MYO3B: variants seen among roughly 807,000 people sequenced by gnomAD.
MYO3B encodes the protein myosin-IIIb.
MYO3B carries 156 observed loss-of-function variants against 174.6 expected under a neutral mutation model. That is an observed-to-expected ratio of 0.89 (90% CI 0.78 to 1.02). MYO3B has a LOEUF of 1.02. Among genes scored for constraint, MYO3B ranks in the 50% least tolerant of loss-of-function variants. The pLI is 0.00. For synonymous variants in MYO3B, 563 were observed against 569.1 expected (o/e 0.99, Z 0.15); for missense variants, 1,632 against 1,639.4 (o/e 1.00, Z 0.08).
At chr2:170,589,643 A>T (rs773581079) in intron 32 of MYO3B, among the ~76,000 whole-genome samples, 32 of 152,156 alleles carry the variant, frequency 2.1e-4, no homozygotes, top group Non-Finnish European at 3.5e-4. Context: ...CAATGTGTTT[A>T]TGTTTTGAGC....
At chr2:170,216,929 G>T (rs990264233) in intron 5 of MYO3B, among the ~76,000 whole-genome samples, 2 of 151,848 alleles carry the variant, frequency 1.3e-5, no homozygotes, top group Non-Finnish European at 2.9e-5. Flanking sequence ...AGTGATAAAT[G>T]CTCCAGAGTT....
Position 170,392,475 on chromosome 2 carries a change from AT to A in MYO3B, c.1773del (p.Ile592Ter). On this transcript the variant is annotated frameshift_variant, in exon 16 of 35. Coordinates refer to ENST00000408978, the MANE Select transcript of MYO3B (RefSeq NM_138995.5). LOFTEE classifies it high-confidence loss of function. ...QFEAIQHCFR[I>X]IGFTDKEVHS... ...CGAAGCAATTCAGCATTGCTTCAGG[AT>A]TATAGGGTTCACGGACAAAGTAAGT... 6.3e-7 allele frequency: 1 copy of A among 1,576,976 alleles called. No individual in the cohort carries two copies.
chr2:170,616,657 A>G (rs1317391225), intron 32 of MYO3B, among the ~76,000 whole-genome samples: 13 of 152,198 alleles, frequency 8.5e-5, no homozygotes. Context: ...ACACATGAAC[A>G]ATAAACCAAT....
intron 25 of MYO3B, among the ~76,000 whole-genome samples, chr2:170,476,872 A>G (rs1685350293): frequency 1.3e-5 from 2 of 152,078 alleles, no homozygotes; most frequent in African/African-American, 2.4e-5. Context: ...CCTATGGTAT[A>G]TAAGCACTGG....
At chr2:170,534,899 A>G (rs955366718) in intron 30 of MYO3B, among the ~76,000 whole-genome samples, 1 of 152,192 alleles carries the variant, frequency 6.6e-6, no homozygotes, top group Non-Finnish European at 1.5e-5. Flanking sequence ...GCCATAACAC[A>G]TAGTGTTTTT....
chr2:170,528,612 G>A (rs143580960), intron 30 of MYO3B, among the ~76,000 whole-genome samples: 1 of 152,084 alleles, frequency 6.6e-6, no homozygotes, highest in Admixed American at 6.5e-5. Context: ...CACCATGTTG[G>A]CCAGGATGGT....
intron 22 of MYO3B, among the ~76,000 whole-genome samples, chr2:170,421,826 G>T (rs1206777714): frequency 6.6e-6 from 1 of 152,190 alleles, no homozygotes. Context: ...TGAAACTCTT[G>T]TTGCCTTTTT....
intron 28 of MYO3B, among the ~76,000 whole-genome samples, chr2:170,508,275 A>G (rs1197892664): frequency 6.6e-6 from 1 of 152,250 alleles, no homozygotes; most frequent in Admixed American, 6.5e-5. Flanking sequence ...TGCCACCTCA[A>G]CACAGAATGA....
At chr2:170,308,570 C>A (rs898444320) in intron 7 of MYO3B, among the ~76,000 whole-genome samples, 1 of 152,184 alleles carries the variant, frequency 6.6e-6, no homozygotes, top group Non-Finnish European at 1.5e-5. Flanking sequence ...CTGAGGCATA[C>A]TCTGGGTGCA....
intron 18 of MYO3B, among the ~76,000 whole-genome samples, chr2:170,402,420 T>G (rs1027709635): frequency 6.6e-6 from 1 of 152,188 alleles, no homozygotes; most frequent in African/African-American, 2.4e-5. Flanking sequence ...CTTCAACTAC[T>G]TTTCCTTGCT....
chr2:170,422,470 T>G (rs2094623554), intron 22 of MYO3B, among the ~76,000 whole-genome samples: 1 of 151,472 alleles, frequency 6.6e-6, no homozygotes, highest in South Asian at 2.1e-4. Context: ...CACTTTTTTT[T>G]TTTTTTGAGA....
chr2:170,512,229 A>G (rs1688032404), intron 28 of MYO3B, among the ~76,000 whole-genome samples: 1 of 43,542 alleles, frequency 2.3e-5, no homozygotes, highest in Non-Finnish European at 6.9e-5. Context: ...AGGGCTGTAG[A>G]AAAAAAAAAT....
chr2:170,377,314 T>G (rs529787564), intron 9 of MYO3B, among the ~76,000 whole-genome samples: 3 of 152,352 alleles, frequency 2.0e-5, no homozygotes, highest in Non-Finnish European at 2.9e-5. Flanking sequence ...TTTGGTGTCC[T>G]CTAAAGCTCC....
At position 170,292,774 on chromosome 2, in the gene MYO3B, T is replaced by TA. The variant is rs2093604469; in HGVS notation, c.750-42611_750-42610insA. Among the ~76,000 whole-genome samples the TA allele has an allele frequency of 1.3e-5, 2 of 152,196 alleles. 1 individual carries two copies. The highest frequency in any genetic ancestry group is 3.8e-4 in the East Asian group (2 of 5,200). ...CTGAATTGTACCTTCTACAATGTGA[T>TA]GCTGCTGAACAGCCACTCTGATTTG... On this transcript the variant is annotated intron_variant, in intron 7 of 34. Coordinates refer to ENST00000408978, the MANE Select transcript of MYO3B (RefSeq NM_138995.5).
intron 8 of MYO3B, among the ~76,000 whole-genome samples, chr2:170,337,499 G>A (rs964244814): frequency 2.6e-5 from 4 of 152,084 alleles, no homozygotes; most frequent in East Asian, 1.9e-4. Context: ...GAGTATGTTC[G>A]TAATCATAAA....
intron 32 of MYO3B, among the ~76,000 whole-genome samples, chr2:170,569,880 A>T (rs1329771299): frequency 6.6e-6 from 1 of 150,806 alleles, no homozygotes; most frequent in Non-Finnish European, 1.5e-5. Flanking sequence ...AAAAAAAAAA[A>T]GTAAGAAAAC....
intron 7 of MYO3B, among the ~76,000 whole-genome samples, chr2:170,247,626 A>C (rs185647375): frequency 6.6e-6 from 1 of 152,300 alleles, no homozygotes; most frequent in Admixed American, 6.5e-5. Flanking sequence ...ACAGTCCTGG[A>C]AGCTGGGAAG....
At chr2:170,519,391 C>G (rs777945163) in intron 29 of MYO3B, 47 bp from the exon 30 acceptor site, 1 of 1,523,984 alleles carries the variant, frequency 6.6e-7, no homozygotes, top group Non-Finnish European at 9.1e-7. Flanking sequence ...AAAGCTAACC[C>G]TACCTACTTC....
intron 23 of MYO3B, among the ~76,000 whole-genome samples, chr2:170,447,404 AT>A (rs960986898): frequency 3.3e-5 from 5 of 152,230 alleles, no homozygotes; most frequent in African/African-American, 1.2e-4. Flanking sequence ...AAGATAATAA[AT>A]ATGAACACTT....
Sources: gnomAD v4.1 joint callset for allele counts (sites outside exome capture counted in the v4.1 genomes callset) on GRCh38, gnomAD v4.1.1 for gene constraint, MANE v1.5 for transcripts, NCBI Gene and HGNC (gene_info 2026-07-23, HGNC 2026-07-21) for gene names.